Variants in HPSE2 observed in about 807,000 individuals in gnomAD.
The protein encoded by HPSE2 is inactive heparanase-2.
In HPSE2, 38 loss-of-function variants were observed where a neutral mutation model predicts 60.5. The ratio of observed to expected loss-of-function variants is 0.63; its 90% CI spans 0.48 to 0.82. HPSE2 has a LOEUF of 0.82. Ranked by LOEUF, HPSE2 falls within the 40% of genes least tolerant of loss-of-function variation. HPSE2 has a pLI of 0.00. For synonymous variants in HPSE2, 295 were observed against 293.2 expected (o/e 1.01, Z -0.06); for missense variants, 713 against 740.4 (o/e 0.96, Z 0.43).
chr10:99,251,016 C>A, the HPSE2 span, among the ~76,000 whole-genome samples: 1 of 152,028 alleles, frequency 6.6e-6, no homozygotes, highest in South Asian at 2.1e-4. Context: ...CAGAATTGAG[C>A]TAAATTGAGA....
chr10:99,305,979 G>GCACACA, the HPSE2 span, among the ~76,000 whole-genome samples: 398 of 80,570 alleles, frequency 4.9e-3, 4 homozygotes, highest in Middle Eastern at 0.02. Flanking sequence ...GCGCGCGCGC[G>GCACACA]CACACACACA....
chr10:99,307,227 AG>A, the HPSE2 span, among the ~76,000 whole-genome samples: 1 of 152,250 alleles, frequency 6.6e-6, no homozygotes, highest in African/African-American at 2.4e-5. Context: ...ACTTAGAAAC[AG>A]GAGTATTGGA....
intron 9 of HPSE2, among the ~76,000 whole-genome samples, chr10:98,517,447 C>T (rs532356648): frequency 2.2e-4 from 33 of 152,280 alleles, no homozygotes; most frequent in African/African-American, 7.5e-4. Context: ...TCCCATAGAA[C>T]ATCAGAGAGT....
At chr10:98,943,395 A>T (rs1303114332) in intron 3 of HPSE2, among the ~76,000 whole-genome samples, 6 of 151,996 alleles carry the variant, frequency 3.9e-5, no homozygotes, top group Non-Finnish European at 8.8e-5. Context: ...CTATTAAAAT[A>T]GCTTTTAAAA....
intron 9 of HPSE2, among the ~76,000 whole-genome samples, chr10:98,587,012 T>G (rs1481346593): frequency 6.6e-6 from 1 of 152,220 alleles, no homozygotes; most frequent in African/African-American, 2.4e-5. Context: ...AGCAGGAGAT[T>G]TGAAGGATTT....
chr10:98,555,010 TTTG>T (rs1943964121), intron 9 of HPSE2, among the ~76,000 whole-genome samples: 1 of 152,234 alleles, frequency 6.6e-6, no homozygotes, highest in Non-Finnish European at 1.5e-5. Flanking sequence ...GCAGCTATGA[TTTG>T]TTAACATAAA....
chr10:99,258,390 A>AATATATAT, the HPSE2 span, among the ~76,000 whole-genome samples: 1,165 of 147,696 alleles, frequency 7.9e-3, 9 homozygotes, highest in Non-Finnish European at 0.012. Flanking sequence ...TAAATGGAGT[A>AATATATAT]ATATATATAT....
intron 3 of HPSE2, among the ~76,000 whole-genome samples, chr10:98,980,404 C>G (rs1202272119): frequency 6.6e-6 from 1 of 152,002 alleles, no homozygotes; most frequent in Non-Finnish European, 1.5e-5. Context: ...GAAAAAAAAT[C>G]AATTCATGAA....
intron 3 of HPSE2, among the ~76,000 whole-genome samples, chr10:98,803,822 T>C (rs1338089521): frequency 1.3e-5 from 2 of 151,762 alleles, no homozygotes; most frequent in Admixed American, 6.6e-5. Flanking sequence ...TTTGGTTCCA[T>C]ATGAACTTTA....
chr10:98,580,283 T>C (rs1020381096), intron 9 of HPSE2, among the ~76,000 whole-genome samples: 2 of 152,158 alleles, frequency 1.3e-5, no homozygotes, highest in Non-Finnish European at 2.9e-5. Flanking sequence ...AAGACTTTTA[T>C]ATCCCTTCAA....
chr10:99,311,470 T>C, the HPSE2 span, among the ~76,000 whole-genome samples: 1 of 152,250 alleles, frequency 6.6e-6, no homozygotes, highest in Non-Finnish European at 1.5e-5. Flanking sequence ...ATGTTTGTTA[T>C]GGTGATCTGT....
At chr10:98,621,504 G>C (rs553529009) in intron 7 of HPSE2, among the ~76,000 whole-genome samples, 19 of 152,302 alleles carry the variant, frequency 1.2e-4, no homozygotes, top group African/African-American at 4.1e-4. Context: ...CTTGTTTATA[G>C]GTAGTTCACT....
chr10:98,579,763 C>G (rs896286279), intron 9 of HPSE2, among the ~76,000 whole-genome samples: 1 of 152,192 alleles, frequency 6.6e-6, no homozygotes, highest in Non-Finnish European at 1.5e-5. Context: ...ATTTAGTTCT[C>G]ACCCTTCCCC....
At chr10:98,531,569 T>C (rs1408837325) in intron 9 of HPSE2, among the ~76,000 whole-genome samples, 1 of 152,340 alleles carries the variant, frequency 6.6e-6, no homozygotes, top group South Asian at 2.1e-4. Context: ...CGAATGATCA[T>C]GGCTTATAAT....
intron 9 of HPSE2, among the ~76,000 whole-genome samples, chr10:98,573,650 C>T (rs986260507): frequency 1.1e-4 from 16 of 152,284 alleles, no homozygotes; most frequent in Non-Finnish European, 1.0e-4. Flanking sequence ...TTTTTCACCT[C>T]GCACTTTTTC....
At chr10:99,233,203 C>T (rs1261632238) in intron 1 of HPSE2, among the ~76,000 whole-genome samples, 1 of 24,014 alleles carries the variant, frequency 4.2e-5, no homozygotes, top group Non-Finnish European at 7.6e-5. Context: ...ACTCCCGCAC[C>T]ACCACCACCA....
At chr10:98,791,601 A>C (rs577741808) in intron 3 of HPSE2, among the ~76,000 whole-genome samples, 1 of 152,328 alleles carries the variant, frequency 6.6e-6, no homozygotes, top group East Asian at 1.9e-4. Context: ...GCCTCACATA[A>C]AAATATCTCT....
chr10:98,959,076 G>C (rs1955582194), intron 3 of HPSE2, among the ~76,000 whole-genome samples: 1 of 151,960 alleles, frequency 6.6e-6, no homozygotes, highest in Non-Finnish European at 1.5e-5. Flanking sequence ...AAGCATAGAA[G>C]GCACTACAAA....
intron 7 of HPSE2, among the ~76,000 whole-genome samples, chr10:98,637,938 A>C (rs1353702171): frequency 1.3e-5 from 2 of 151,930 alleles, no homozygotes; most frequent in Non-Finnish European, 2.9e-5. Context: ...CAAGAGTTCA[A>C]GACAAGCCTG....
Sources: allele counts gnomAD v4.1 joint callset (sites outside exome capture counted in the v4.1 genomes callset), GRCh38; gene constraint gnomAD v4.1.1; transcripts MANE v1.5; gene names NCBI Gene and HGNC (gene_info 2026-07-23, HGNC 2026-07-21).